The following SLC5A5 variants were observed in gnomAD, a reference collection of about 807,000 sequenced individuals.
The protein encoded by SLC5A5 is solute carrier family 5 member 5.
Under a neutral mutation model 68.6 loss-of-function variants are expected in SLC5A5, and 56 were observed. The observed-to-expected ratio is 0.82, with a 90% CI of 0.66 to 1.02. The LOEUF is 1.02. Ranked by LOEUF, SLC5A5 falls within the 50% of genes least tolerant of loss-of-function variation. SLC5A5 has a pLI of 0.00. For synonymous variants in SLC5A5, 398 were observed against 373.0 expected, an observed-to-expected ratio of 1.07 and a Z score of -0.77; for missense variants, 807 against 859.8, an observed-to-expected ratio of 0.94 and a Z score of 0.77.
At chr19:17,891,128 C>T in intron 14 of SLC5A5, 127 bp downstream of exon 14, 1 of 721,286 alleles carries the variant, frequency 1.4e-6, no homozygotes, top group Non-Finnish European at 2.5e-6. Context: ...AGTCAAAAGA[C>T]TCTATTGGGA....
In SLC5A5 at chr19:17,882,069, C is replaced by T. The variant is rs1204961506; in HGVS notation, c.1168C>T (p.Leu390Phe). 1.9e-6 allele frequency: 3 copies of T among 1,613,666 alleles called. No individual in the cohort carries two copies. The highest frequency in any genetic ancestry group is 2.5e-6 in the Non-Finnish European group (3 of 1,179,546). ...GAAACTCGTGATTATCTCCAAGGGG[C>T]TCTGTGAGTTTCAGGGAGACCTGGG... ...PRKLVIISKGLSLIYGSACLT... is the reference protein window; with the variant it reads ...PRKLVIISKGFSLIYGSACLT... The change falls in exon 9 of 15, where the codon CTC becomes TTC. Residue 390 changes from leucine (L) to phenylalanine (F), a missense_variant. By Grantham distance (22) the Leu-to-Phe change is conservative. Transcript: ENST00000222248.
Position 17,874,505 on chromosome 19 carries a change from C to A in SLC5A5, c.435C>A (p.Thr145=). 1 of 1,614,008 alleles carries A rather than the reference C, an allele frequency of 6.2e-7. No individual in the cohort carries two copies. Among genetic ancestry groups the A allele is most frequent in the South Asian group, 1.1e-5 (1 of 91,070 alleles). The change falls in exon 3 of 15, where the codon ACC becomes ACA. Residue 145 remains threonine, a synonymous_variant. Transcript: ENST00000222248. ...LQYIVATMLY[T]GIVIYAPALI... ...CACTCTGTCTACAGATGCTGTACAC[C>A]GGCATCGTAATCTACGCACCGGCCC...
chr19:17,872,777 C>A, intron 1 of SLC5A5, 101 bp downstream of exon 1: 1 of 775,224 alleles, frequency 1.3e-6, no homozygotes, highest in Non-Finnish European at 2.2e-6. Flanking sequence ...CAGGAGGACG[C>A]GGATGGCACC....
Position 17,894,128 on chromosome 19 carries a change from G to T in SLC5A5, c.*251G>T. 2.0e-6 allele frequency: 1 copy of T among 488,946 alleles called. No homozygotes were observed. Among genetic ancestry groups the T allele is most frequent in the Non-Finnish European group, 3.6e-6 (1 of 274,400 alleles). The allele number at this position is 488,946 out of a possible 1,614,324, so 30.3% of individuals were successfully genotyped here. A position where few individuals can be genotyped will look rare whatever the true frequency, so the allele number is the denominator to read the frequency against. On this transcript the variant is annotated 3_prime_UTR_variant, in exon 15 of 15. Transcript: ENST00000222248. ...TGACGGCTCCCCCCAAATAAGGCTG[G>T]GTTTTTCTCTCTCTCTTTTTTTTTT...
chr19:17,888,999 C>G (rs1256635467), intron 13 of SLC5A5, among the ~76,000 whole-genome samples: 1 of 150,884 alleles, frequency 6.6e-6, no homozygotes, highest in African/African-American at 2.5e-5. Context: ...CATACATACA[C>G]ACTTTTATGT....
At chr19:17,883,645 C>G in intron 10 of SLC5A5, 36 bp from the exon 11 acceptor site, 1 of 1,564,314 alleles carries the variant, frequency 6.4e-7, no homozygotes, top group Non-Finnish European at 8.8e-7. Context: ...GGTGGGAGGG[C>G]TCCGCCCTCA....
intron 2 of SLC5A5, 30 bp downstream of exon 2, chr19:17,874,233 AG>A: frequency 6.6e-7 from 1 of 1,513,808 alleles, no homozygotes; most frequent in Non-Finnish European, 9.2e-7. Context: ...CCCTCCGCTC[AG>A]GGCCCCGAGA....
intron 5 of SLC5A5, among the ~76,000 whole-genome samples, chr19:17,876,862 C>A (rs1160790390): frequency 6.6e-6 from 1 of 150,986 alleles, no homozygotes; most frequent in Non-Finnish European, 1.5e-5. Flanking sequence ...CTCCGTCCCC[C>A]CCCTAAAAAA....
chr19:17,874,511 C>T lies in SLC5A5; in HGVS notation c.441C>T (p.Ile147=), dbSNP rs934447815. Residue 147 remains isoleucine, a synonymous_variant, in exon 3 of 15, where the codon ATC becomes ATT. Transcript: ENST00000222248. ...YIVATMLYTG[I]VIYAPALILN... ...GTCTACAGATGCTGTACACCGGCAT[C>T]GTAATCTACGCACCGGCCCTCATCC... The T allele has an allele frequency of 2.5e-6, 4 of 1,614,034 alleles. No homozygotes were observed. The highest frequency in any genetic ancestry group is 3.4e-6 in the Non-Finnish European group (4 of 1,180,006).
chr19:17,877,577 G>A (rs2094310334), intron 5 of SLC5A5, 146 bp from the exon 6 acceptor site: 6 of 1,012,046 alleles, frequency 5.9e-6, no homozygotes, highest in African/African-American at 1.6e-5. Context: ...CAAAGTGCTG[G>A]GATTACAGGC....
intron 14 of SLC5A5, 23 bp from the exon 15 acceptor site, chr19:17,893,690 C>G (rs1294438769): frequency 6.2e-7 from 1 of 1,612,184 alleles, no homozygotes. Context: ...CTGATGGGGT[C>G]TCTTTTTCCC....
chr19:17,887,128 G>T (rs1449288182), intron 12 of SLC5A5, among the ~76,000 whole-genome samples: 1 of 152,006 alleles, frequency 6.6e-6, no homozygotes, highest in African/African-American at 2.4e-5. Flanking sequence ...TTTAAATTGG[G>T]TGATTTGTCT....
chr19:17,875,627 A>T (rs1032892014), intron 4 of SLC5A5, among the ~76,000 whole-genome samples: 4 of 145,414 alleles, frequency 2.8e-5, no homozygotes, highest in African/African-American at 5.1e-5. Context: ...AATTTTTTTT[A>T]AATTAGTCGG....
chr19:17,892,390 C>T (rs1460533881), intron 14 of SLC5A5, among the ~76,000 whole-genome samples: 1 of 151,942 alleles, frequency 6.6e-6, no homozygotes, highest in Non-Finnish European at 1.5e-5. Flanking sequence ...AATCCCAGCA[C>T]TTTGGGAGAC....
At chr19:17,880,474 C>T (rs1010017930) in intron 7 of SLC5A5, among the ~76,000 whole-genome samples, 2 of 152,136 alleles carry the variant, frequency 1.3e-5, no homozygotes, top group African/African-American at 4.8e-5. Context: ...CTCGGCCTCC[C>T]GAAGTGTTGG....
Position 17,874,204 on chromosome 19 carries a change from G to T in SLC5A5, c.423+1G>T. ...GACTTTGCAGTACATTGTAGCCACG[G>T]TGAGTGGCCTCGGCCCCGCCCTCCG... is the stretch of plus-strand genomic sequence containing the variant. On this transcript the variant is annotated splice_donor_variant, in intron 2 of 14. Coordinates refer to ENST00000222248, the MANE Select transcript of SLC5A5 (RefSeq NM_000453.3). LOFTEE classifies it high-confidence loss of function. The T allele has an allele frequency of 6.2e-7, 1 of 1,602,222 alleles. No homozygotes were observed. Among genetic ancestry groups the T allele is most frequent in the Non-Finnish European group, 8.5e-7 (1 of 1,169,930 alleles).
At chr19:17,883,567 A>G (rs1180544391) in intron 10 of SLC5A5, 114 bp from the exon 11 acceptor site, 2 of 846,006 alleles carry the variant, frequency 2.4e-6, no homozygotes, top group Non-Finnish European at 4.1e-6. Flanking sequence ...GACACAGAGG[A>G]GTCCTTGAGA....
At chr19:17,882,377 C>T (rs1293441611) in intron 10 of SLC5A5, among the ~76,000 whole-genome samples, 158 bp downstream of exon 10, 1 of 151,734 alleles carries the variant, frequency 6.6e-6, no homozygotes, top group Non-Finnish European at 1.5e-5. Context: ...CTGTGTTGTC[C>T]CAGGTTGGTG....
chr19:17,888,331 C>T lies in SLC5A5; in HGVS notation c.1527C>T (p.Ser509=), dbSNP rs1426479631. 4.3e-6 allele frequency: 7 copies of T among 1,613,834 alleles called. No individual in the cohort carries two copies. Among genetic ancestry groups the T allele is most frequent in the Non-Finnish European group, 5.9e-6 (7 of 1,179,944 alleles). Residue 509 remains serine (S), a splice_region_variant and synonymous_variant, in exon 13 of 15, where the codon AGC becomes AGT. Coordinates refer to ENST00000222248, the MANE Select transcript of SLC5A5 (RefSeq NM_000453.3). Reference sequence around the variant, plus strand: ...CAAGTCTGTCTCTCCCAACCTGCAGCTCAGGAATGGACGCCAGCCGACCCG... The same window carrying T: ...CAAGTCTGTCTCTCCCAACCTGCAGTTCAGGAATGGACGCCAGCCGACCCG... The part of the protein sequence containing the change: ...LPANDSSRAP[S]SGMDASRPAL...
Sources: allele counts gnomAD v4.1 joint callset (sites outside exome capture counted in the v4.1 genomes callset), GRCh38; gene constraint gnomAD v4.1.1; transcripts MANE v1.5; gene names NCBI Gene and HGNC (gene_info 2026-07-23, HGNC 2026-07-21).